Variants in RP1L1 observed in about 807,000 individuals in gnomAD.
The protein encoded by RP1L1 is retinitis pigmentosa 1-like 1 protein.
RP1L1 carries 27 observed loss-of-function variants against 15.7 expected under a neutral mutation model. That is an observed-to-expected ratio of 1.72 (90% confidence interval 1.27 to 2.38). The LOEUF (loss-of-function observed/expected upper bound fraction) is 2.38, where lower values mean the gene tolerates loss of function less well. Ranked by LOEUF, RP1L1 falls within the 30% of genes most tolerant of loss-of-function variation. The pLI, the probability that RP1L1 is intolerant of heterozygous loss-of-function variation, is 0.00. For missense variants in RP1L1, 4,798 were observed against 3,075.9 expected (o/e 1.56, Z -13.24); for synonymous variants, 1,813 against 1,276.7 (o/e 1.42, Z -8.96).
chr8:10,612,250 G>A lies in RP1L1; in HGVS notation c.1848C>T (p.Ser616=), dbSNP rs1797876043. The change falls in exon 4 of 4, where the codon TCC becomes TCT. Residue 616 remains serine (S), a synonymous_variant. Transcript: ENST00000382483. The part of the protein sequence containing the change: ...VTREPLVLGL[S]CSWDSEGASS... ...AGGCTCCTTCCGAGTCCCAGGAGCAGGAAAGGCCCAGAACCAGAGGCTCCC... is the reference window on the plus strand; with the variant it reads ...AGGCTCCTTCCGAGTCCCAGGAGCAAGAAAGGCCCAGAACCAGAGGCTCCC... 6.2e-7 allele frequency: 1 copy of A among 1,613,238 alleles called. No individual in the cohort carries two copies. The highest frequency in any genetic ancestry group is 8.5e-7 in the Non-Finnish European group (1 of 1,179,996).
At chr8:10,630,195 G>A (rs1262449363) in intron 1 of RP1L1, among the ~76,000 whole-genome samples, 1 of 152,212 alleles carries the variant, frequency 6.6e-6, no homozygotes, top group African/African-American at 2.4e-5. Context: ...GCAGTGGAGG[G>A]GGGAGCAGAC....
chr8:10,620,193 T>C (rs368756297), intron 2 of RP1L1, among the ~76,000 whole-genome samples: 19 of 152,208 alleles, frequency 1.2e-4, no homozygotes, highest in African/African-American at 4.6e-4. Context: ...CCATGGATGT[T>C]AGTCCAGGGT....
chr8:10,608,047 C>A lies in RP1L1; in HGVS notation c.6051G>T (p.Gln2017His). ...GEMQEAEEEA[Q>H]PESDGVEAQP... Reference sequence around the variant, plus strand: ...GGGCCTCTACACCGTCTGACTCTGGCTGGGCCTCCTCTTCTGCCTCTTGCA... The same window carrying A: ...GGGCCTCTACACCGTCTGACTCTGGATGGGCCTCCTCTTCTGCCTCTTGCA... The change falls in exon 4 of 4, where the codon CAG becomes CAT. Residue 2017 changes from glutamine to histidine, a missense_variant. Gln to His is a conservative substitution (Grantham distance 24). Transcript: ENST00000382483. 1.9e-6 allele frequency: 3 copies of A among 1,612,894 alleles called. No homozygotes were observed. Among genetic ancestry groups the A allele is most frequent in the Non-Finnish European group, 2.5e-6 (3 of 1,179,742 alleles).
At chr8:10,639,285 C>A (rs548365674) in intron 1 of RP1L1, among the ~76,000 whole-genome samples, 16 of 152,174 alleles carry the variant, frequency 1.1e-4, no homozygotes, top group Non-Finnish European at 2.1e-4. Flanking sequence ...ACAGGACAAA[C>A]GAGCAGCCTA....
rs568195720 is a variant in RP1L1 at position 10,628,713 on chromosome 8, C to T, written c.-19-5493G>A. Among the ~76,000 whole-genome samples the T allele has an allele frequency of 8.1e-4, 124 of 152,284 alleles. 1 individual carries two copies. The highest frequency in any genetic ancestry group is 5.1e-4 in the African/African-American group (21 of 41,550). On this transcript the variant is annotated intron_variant, in intron 1 of 3. Coordinates refer to ENST00000382483, the MANE Select transcript of RP1L1 (RefSeq NM_178857.6). ...GGAAAATTTTCCCAATGATAGTTCC[C>T]GTTCTGTCTGGTAATAAAAGAGGGA...
Position 10,613,334 on chromosome 8 carries a change from G to T in RP1L1, c.764C>A (p.Pro255Gln), listed in dbSNP as rs1379552118. 5 of 1,600,014 alleles carry T rather than the reference G, an allele frequency of 3.1e-6. No individual in the cohort carries two copies. In the African/African-American group the frequency reaches 6.7e-5, roughly 21 times the overall value. ...TSRNKNGSWG[P>Q]KTKPSVIHSR... ...ATGGATCACACTCGGCTTGGTCTTT[G>T]GCCCCCAGCTCCCTGGCACGCAGTG... Residue 255 changes from proline to glutamine, a missense_variant, in exon 4 of 4, where the codon CCA (proline) becomes CAA (glutamine). By Grantham distance (76) the Pro-to-Gln change is moderately conservative. Coordinates refer to ENST00000382483, the MANE Select transcript of RP1L1 (RefSeq NM_178857.6).
Position 10,609,163 on chromosome 8 carries a change from G to T in RP1L1, c.4935C>A (p.Ser1645Arg). 1.9e-6 allele frequency: 3 copies of T among 1,612,626 alleles called. No individual in the cohort carries two copies. Among genetic ancestry groups the T allele is most frequent in the Non-Finnish European group, 1.7e-6 (2 of 1,179,520 alleles). ...DEPALSTALGSQLGEEAEGEE... is the reference protein window; with the variant it reads ...DEPALSTALGRQLGEEAEGEE... ...CCCCCTCCGCCTCCTCGCCCAGCTG[G>T]CTCCCCAGGGCTGTGCTGAGGGCTG... Residue 1645 changes from serine (S) to arginine (R), a missense_variant, in exon 4 of 4, where the codon AGC becomes AGA. Transcript: ENST00000382483.
chr8:10,610,919 G>A lies in RP1L1; in HGVS notation c.3179C>T (p.Ala1060Val). 2 of 1,611,030 alleles carry A rather than the reference G, an allele frequency of 1.2e-6. No individual in the cohort carries two copies. The highest frequency in any genetic ancestry group is 1.7e-6 in the Non-Finnish European group (2 of 1,179,268). Reference protein sequence around the residue: ...GVSEAPAEAGADREAPAGCRV... With the variant: ...GVSEAPAEAGVDREAPAGCRV... ...GCAGCCTGCTGGGGCCTCTCTGTCT[G>A]CTCCGGCCTCTGCAGGGGCCTCGGA... Residue 1060 changes from alanine (A) to valine (V), a missense_variant, in exon 4 of 4, where the codon GCA becomes GTA. Ala to Val is a moderately conservative substitution (Grantham distance 64). Transcript: ENST00000382483.
chr8:10,631,387 GCA>G (rs747012748), intron 1 of RP1L1, among the ~76,000 whole-genome samples: 14,461 of 92,316 alleles, frequency 0.16, 1,013 homozygotes, highest in Non-Finnish European at 0.2. Context: ...AAACACACAT[GCA>G]CACACACGCA....
rs1455106079 is a variant in RP1L1 at position 10,611,100 on chromosome 8, G to T, written c.2998C>A (p.Leu1000Met). 1.2e-6 allele frequency: 2 copies of T among 1,612,794 alleles called. No individual in the cohort carries two copies. Among genetic ancestry groups the T allele is most frequent in the Non-Finnish European group, 1.7e-6 (2 of 1,180,028 alleles). Residue 1000 changes from leucine (L) to methionine (M), a missense_variant, in exon 4 of 4, where the codon CTG becomes ATG. Transcript: ENST00000382483. ...PEVDPGDDHSLEGLGEPAQAG... is the reference protein window; with the variant it reads ...PEVDPGDDHSMEGLGEPAQAG... The stretch of plus-strand genomic sequence containing the variant: ...TGAGCTGGCTCCCCCAGGCCTTCCA[G>T]AGAATGGTCATCCCCAGGGTCCACC...
chr8:10,608,870 C>T lies in RP1L1; in HGVS notation c.5228G>A (p.Gly1743Asp). The T allele has an allele frequency of 6.2e-7, 1 of 1,614,050 alleles. No homozygotes were observed. Among genetic ancestry groups the T allele is most frequent in the Non-Finnish European group, 8.5e-7 (1 of 1,180,050 alleles). The change falls in exon 4 of 4, where the codon GGT becomes GAT. Residue 1743 changes from glycine to aspartate, a missense_variant. Gly to Asp is a moderately conservative substitution (Grantham distance 94). Transcript: ENST00000382483. ...TCTCTGGCTCCCCTCGCCATCCTCA[C>T]CCTCGTCCACTCCAGGCCCCTGGCT... ...GLSQGPGVDE[G>D]EDGEGSQRLN...
intron 1 of RP1L1, among the ~76,000 whole-genome samples, chr8:10,640,668 A>T (rs1337900000): frequency 6.6e-6 from 1 of 150,704 alleles, no homozygotes; most frequent in Non-Finnish European, 1.5e-5. Context: ...AATAATAATA[A>T]TTATTATTAT....
chr8:10,619,201 C>T (rs1215747212), intron 2 of RP1L1, among the ~76,000 whole-genome samples: 1 of 152,204 alleles, frequency 6.6e-6, no homozygotes, highest in Non-Finnish European at 1.5e-5. Context: ...GCTGCCAGCC[C>T]ATTTCCTGAA....
At chr8:10,638,682 A>AT (rs1470577875) in intron 1 of RP1L1, among the ~76,000 whole-genome samples, 4 of 152,154 alleles carry the variant, frequency 2.6e-5, no homozygotes, top group Non-Finnish European at 2.9e-5. Flanking sequence ...AGCTCAGCTG[A>AT]TTTTTCCTGC....
In RP1L1 at chr8:10,622,946, C is replaced by T. The variant is rs780836879; in HGVS notation, c.256G>A (p.Gly86Ser). 12 of 1,614,016 alleles carry T rather than the reference C, an allele frequency of 7.4e-6. No individual in the cohort carries two copies. Among genetic ancestry groups the T allele is most frequent in the East Asian group, 6.7e-5 (3 of 44,872 alleles). The change falls in exon 2 of 4, where the codon GGC becomes AGC. Residue 86 changes from glycine (G) to serine (S), a missense_variant. Physicochemically the swap from Gly to Ser is moderately conservative, Grantham distance 56. Transcript: ENST00000382483. ...FGVRSVTTPR[G>S]LHSLSALEQL... ...TCCAGGGCGCTGAGGCTATGCAGGCCCCGGGGTGTGGTGACAGAGCGCACC... is the reference window on the plus strand; with the variant it reads ...TCCAGGGCGCTGAGGCTATGCAGGCTCCGGGGTGTGGTGACAGAGCGCACC...
At position 10,612,592 on chromosome 8, in the gene RP1L1, G is replaced by T. The variant is rs1205508977; in HGVS notation, c.1506C>A (p.Asp502Glu). 6.2e-7 allele frequency: 1 copy of T among 1,604,106 alleles called. No homozygotes were observed. The highest frequency in any genetic ancestry group is 2.2e-5 in the East Asian group (1 of 44,872). The change falls in exon 4 of 4, where the codon GAC (aspartate) becomes GAA (glutamate). Residue 502 changes from aspartate (D) to glutamate (E), a missense_variant. Asp to Glu is a conservative substitution (Grantham distance 45). Coordinates refer to ENST00000382483, the MANE Select transcript of RP1L1 (RefSeq NM_178857.6). ...ERKAGGSLGE[D>E]PGLCIDGAGL... The stretch of plus-strand genomic sequence containing the variant: ...CTGCTCCATCTATGCATAGGCCGGG[G>T]TCCTCACCCAGGCTCCCTCCAGCTT...
intron 2 of RP1L1, 141 bp downstream of exon 2, chr8:10,622,452 G>A: frequency 3.8e-6 from 4 of 1,058,880 alleles, no homozygotes; most frequent in Admixed American, 3.5e-5. Flanking sequence ...TTGACTGAGT[G>A]TCTCCATGCT....
intron 1 of RP1L1, among the ~76,000 whole-genome samples, chr8:10,639,176 G>T (rs1253208574): frequency 6.6e-6 from 1 of 151,790 alleles, no homozygotes; most frequent in Non-Finnish European, 1.5e-5. Flanking sequence ...AAAAAAGAGA[G>T]CAGGCATTGC....
Position 10,623,031 on chromosome 8 carries a change from G to C in RP1L1, c.171C>G (p.Ala57=). 1.2e-6 allele frequency: 2 copies of C among 1,614,182 alleles called. No homozygotes were observed. The highest frequency in any genetic ancestry group is 8.5e-7 in the Non-Finnish European group (1 of 1,180,030). Residue 57 remains alanine, a synonymous_variant, in exon 2 of 4, where the codon GCC becomes GCG. Coordinates refer to ENST00000382483, the MANE Select transcript of RP1L1 (RefSeq NM_178857.6). The part of the protein sequence containing the change: ...AGVRLAVHQR[A]FKTFSALMDE... ...CCATGAGGGCGCTGAAGGTCTTAAA[G>C]GCGCGCTGGTGAACGGCCAGGCGGA...
Sources: allele counts gnomAD v4.1 joint callset (sites outside exome capture counted in the v4.1 genomes callset), GRCh38; gene constraint gnomAD v4.1.1; transcripts MANE v1.5; gene names NCBI Gene and HGNC (gene_info 2026-07-23, HGNC 2026-07-21).